PLEKHH2: variants seen among roughly 807,000 people sequenced by gnomAD.
The protein encoded by PLEKHH2 is pleckstrin homology, MyTH4 and FERM domain containing H2.
PLEKHH2 carries 129 observed loss-of-function variants against 187.9 expected under a neutral mutation model. The observed-to-expected ratio is 0.69, with a 90% CI of 0.59 to 0.79. The LOEUF is 0.79. Among genes scored for constraint, PLEKHH2 ranks in the 30% least tolerant of loss-of-function variants. The pLI, the probability that PLEKHH2 is intolerant of heterozygous loss-of-function variation, is 0.00. For synonymous variants in PLEKHH2, 686 were observed against 605.6 expected (o/e 1.13, Z -1.95); for missense variants, 2,076 against 1,751.2 (o/e 1.19, Z -3.31).
intron 27 of PLEKHH2, among the ~76,000 whole-genome samples, chr2:43,761,279 G>C (rs185145013): frequency 1.1e-4 from 16 of 152,150 alleles, no homozygotes; most frequent in African/African-American, 3.9e-4. Flanking sequence ...TTTGTTAATG[G>C]AACCAAACAA....
chr2:43,659,491 A>G (rs1281767388), intron 2 of PLEKHH2, among the ~76,000 whole-genome samples: 4 of 151,026 alleles, frequency 2.6e-5, no homozygotes, highest in African/African-American at 4.9e-5. Context: ...ACCAGACTAA[A>G]TTGGTCTTTT....
chr2:43,679,935 G>A (rs1668082462), intron 3 of PLEKHH2, among the ~76,000 whole-genome samples: 1 of 152,152 alleles, frequency 6.6e-6, no homozygotes, highest in Admixed American at 6.5e-5. Context: ...AAAGTGTTGG[G>A]ATTACAGGTG....
intron 18 of PLEKHH2, among the ~76,000 whole-genome samples, chr2:43,729,995 G>A (rs1670960526): frequency 1.3e-5 from 2 of 151,994 alleles, no homozygotes; most frequent in Admixed American, 1.3e-4. Flanking sequence ...TGCTTGGAAT[G>A]CCCCCTTCGT....
intron 2 of PLEKHH2, among the ~76,000 whole-genome samples, chr2:43,667,179 G>A (rs1667259720): frequency 1.3e-5 from 2 of 150,698 alleles, no homozygotes; most frequent in South Asian, 2.1e-4. Context: ...AATGTCATGT[G>A]GCTATTTCTT....
At chr2:43,763,428 AT>A (rs148150394) in intron 28 of PLEKHH2, among the ~76,000 whole-genome samples, 9,521 of 150,426 alleles carry the variant, frequency 0.063, 670 homozygotes, top group African/African-American at 0.17. Context: ...TGATTTATTG[AT>A]TTTTTTTTGA....
chr2:43,753,577 A>G (rs200992610), intron 24 of PLEKHH2, 42 bp from the exon 25 acceptor site: 1 of 1,382,776 alleles, frequency 7.2e-7, no homozygotes, highest in East Asian at 2.5e-5. Flanking sequence ...ATTTCCTTGT[A>G]AGAATATAAT....
At chr2:43,748,646 C>G (rs1241309385) in intron 24 of PLEKHH2, among the ~76,000 whole-genome samples, 3 of 152,250 alleles carry the variant, frequency 2.0e-5, no homozygotes, top group Non-Finnish European at 4.4e-5. Context: ...TTGAGAAGCA[C>G]TGACCTAACG....
In PLEKHH2 at chr2:43,732,673, C is replaced by A. The variant is rs372706011; in HGVS notation, c.2943+1071C>A. ...TCCACTTTTTCTTCATCTCTAAGAC[C>A]TTTGTTTTGAACCATTAGCTTTTTT... On this transcript the variant is annotated intron_variant, in intron 19 of 29. Transcript: ENST00000282406. Among the ~76,000 whole-genome samples the A allele has an allele frequency of 6.6e-5, 10 of 152,276 alleles. 1 individual carries two copies. The South Asian group carries it at 1.2e-3, about 19-fold the overall frequency.
chr2:43,680,867 C>G, intron 3 of PLEKHH2: 1 of 544,432 alleles, frequency 1.8e-6, no homozygotes, highest in Non-Finnish European at 3.4e-6. Context: ...ATAGCATAGT[C>G]ACATCTTCCA....
At chr2:43,655,103 G>T (rs1666685982) in intron 2 of PLEKHH2, among the ~76,000 whole-genome samples, 1 of 152,090 alleles carries the variant, frequency 6.6e-6, no homozygotes, top group Non-Finnish European at 1.5e-5. Flanking sequence ...CTACTCAGGA[G>T]GCTGAGGCAA....
At chr2:43,722,344 T>G (rs1670522889) in intron 16 of PLEKHH2, among the ~76,000 whole-genome samples, 1 of 151,984 alleles carries the variant, frequency 6.6e-6, no homozygotes, top group Non-Finnish European at 1.5e-5. Flanking sequence ...TTAGAAAAGT[T>G]GTATGGGAGT....
Position 43,699,705 on chromosome 2 carries a change from G to A in PLEKHH2, c.747G>A (p.Gln249=). 1 of 1,614,188 alleles carries A rather than the reference G, an allele frequency of 6.2e-7. No homozygotes were observed. The highest frequency in any genetic ancestry group is 8.5e-7 in the Non-Finnish European group (1 of 1,180,032). The change falls in exon 8 of 30, where the codon CAG becomes CAA. Residue 249 remains glutamine, a synonymous_variant. Transcript: ENST00000282406. ...AAGTTCTAGAAAACAACAGAGGCCA[G>A]AGAACATTGCATCAAACCCCTTGTG... ...DNQVLENNRG[Q]RTLHQTPCGS...
At chr2:43,754,193 C>CAA (rs1412004714) in intron 25 of PLEKHH2, among the ~76,000 whole-genome samples, 43 of 123,828 alleles carry the variant, frequency 3.5e-4, no homozygotes, top group African/African-American at 1.4e-3. Context: ...CACACACACA[C>CAA]ACACACACAC....
intron 2 of PLEKHH2, among the ~76,000 whole-genome samples, chr2:43,677,798 C>G (rs1400543589): frequency 6.6e-6 from 1 of 150,622 alleles, no homozygotes; most frequent in African/African-American, 2.4e-5. Flanking sequence ...CCCCTCACCT[C>G]CCGCACCGGG....
chr2:43,683,231 C>T lies in PLEKHH2; in HGVS notation c.186+4306C>T, dbSNP rs550560018. Among the ~76,000 whole-genome samples, 61 of 149,448 alleles carry T rather than the reference C, an allele frequency of 4.1e-4. 1 individual carries two copies. The South Asian group carries it at 0.012, about 29-fold the overall frequency. Reference sequence around the variant, plus strand: ...CACGATCTTGGCTCACCACAACCTCCGCCTCCCACGTTCAAGCCATTCTCC... The same window carrying T: ...CACGATCTTGGCTCACCACAACCTCTGCCTCCCACGTTCAAGCCATTCTCC... On this transcript the variant is annotated intron_variant, in intron 3 of 29. Coordinates refer to ENST00000282406, the MANE Select transcript of PLEKHH2 (RefSeq NM_172069.4).
intron 28 of PLEKHH2, among the ~76,000 whole-genome samples, chr2:43,762,698 A>C (rs1028427040): frequency 6.6e-6 from 1 of 152,188 alleles, no homozygotes; most frequent in African/African-American, 2.4e-5. Context: ...TCCTGTGTAA[A>C]ATAAAAATCT....
At chr2:43,652,237 T>C (rs1666511884) in intron 2 of PLEKHH2, among the ~76,000 whole-genome samples, 1 of 152,072 alleles carries the variant, frequency 6.6e-6, no homozygotes, top group African/African-American at 2.4e-5. Context: ...AGAGAGAAGG[T>C]TTCAATGAAT....
chr2:43,686,512 C>G (rs1198192815), intron 3 of PLEKHH2, among the ~76,000 whole-genome samples: 1 of 152,128 alleles, frequency 6.6e-6, no homozygotes, highest in Non-Finnish European at 1.5e-5. Context: ...TCATTTTTGA[C>G]TCTTAATAAA....
chr2:43,730,635 G>A (rs1255575190), intron 18 of PLEKHH2, among the ~76,000 whole-genome samples: 1 of 152,186 alleles, frequency 6.6e-6, no homozygotes, highest in East Asian at 1.9e-4. Flanking sequence ...CTGAGCTCAA[G>A]TAATCCACCC....
Sources: allele counts gnomAD v4.1 joint callset (sites outside exome capture counted in the v4.1 genomes callset), GRCh38; gene constraint gnomAD v4.1.1; transcripts MANE v1.5; gene names NCBI Gene and HGNC (gene_info 2026-07-23, HGNC 2026-07-21).